Variants in MCTP1 observed in about 807,000 individuals in gnomAD.
MCTP1 encodes multiple C2 and transmembrane domain containing 1.
A neutral mutation model predicts 120.6 loss-of-function variants in MCTP1; 69 were observed. The ratio of observed to expected loss-of-function variants is 0.57; its 90% CI spans 0.47 to 0.70. The LOEUF is 0.70. Ranked by LOEUF, MCTP1 falls within the 30% of genes least tolerant of loss-of-function variation. The probability of loss-of-function intolerance (pLI) is 0.00; values close to 1 mark genes in which losing one functional copy is unlikely to be tolerated. For missense variants in MCTP1, 1,203 were observed against 1,248.8 expected, an observed-to-expected ratio of 0.96 and a Z score of 0.55; for synonymous variants, 529 against 493.1, an observed-to-expected ratio of 1.07 and a Z score of -0.96.
chr5:95,182,258 A>T (rs1020632289), intron 1 of MCTP1, among the ~76,000 whole-genome samples: 2 of 152,176 alleles, frequency 1.3e-5, no homozygotes, highest in Non-Finnish European at 2.9e-5. Flanking sequence ...ATTCTCAAAG[A>T]TACATCATGA....
intron 17 of MCTP1, among the ~76,000 whole-genome samples, chr5:94,807,104 G>GA (rs1181677178): frequency 6.6e-6 from 1 of 152,030 alleles, no homozygotes; most frequent in Non-Finnish European, 1.5e-5. Context: ...ATCTGTTTCA[G>GA]AAAAAACAGA....
intron 3 of MCTP1, among the ~76,000 whole-genome samples, chr5:94,944,479 A>G (rs1399075111): frequency 6.6e-6 from 1 of 152,182 alleles, no homozygotes; most frequent in Non-Finnish European, 1.5e-5. Flanking sequence ...GTGGAATCTC[A>G]TCTAATCATA....
At chr5:94,981,279 C>T (rs953430993) in intron 2 of MCTP1, among the ~76,000 whole-genome samples, 2 of 152,146 alleles carry the variant, frequency 1.3e-5, no homozygotes, top group Non-Finnish European at 2.9e-5. Flanking sequence ...CCAAGGGACA[C>T]ACTCTTTTTA....
Position 94,751,111 on chromosome 5 carries a change from C to A in MCTP1, c.2610+27999G>T, listed in dbSNP as rs529355120. Among the ~76,000 whole-genome samples, 4 of 152,180 alleles carry A rather than the reference C, an allele frequency of 2.6e-5. No homozygotes were observed. In the South Asian group the frequency reaches 8.3e-4, roughly 32 times the overall value. ...GCAAGGTGGAGGTTTTAACTAAATA[C>A]TGGCCGGGCTGAAGTAATCACTCAG... On this transcript the variant is annotated intron_variant, in intron 19 of 22. Coordinates refer to ENST00000515393, the MANE Select transcript of MCTP1 (RefSeq NM_024717.7).
At chr5:95,202,779 G>A (rs1362030891) in intron 1 of MCTP1, among the ~76,000 whole-genome samples, 1 of 151,940 alleles carries the variant, frequency 6.6e-6, no homozygotes, top group Non-Finnish European at 1.5e-5. Flanking sequence ...CCAGGCTGGA[G>A]TGCAGTGGTG....
intron 2 of MCTP1, among the ~76,000 whole-genome samples, chr5:94,991,396 G>A (rs1727282345): frequency 6.6e-6 from 1 of 152,138 alleles, no homozygotes; most frequent in African/African-American, 2.4e-5. Context: ...TCAGAGCAGT[G>A]AAACTGAAAT....
At chr5:95,137,735 G>A (rs1759552535) in intron 1 of MCTP1, among the ~76,000 whole-genome samples, 1 of 151,952 alleles carries the variant, frequency 6.6e-6, no homozygotes, top group Non-Finnish European at 1.5e-5. Context: ...ATACATTATT[G>A]TAAGCTGCTT....
chr5:94,938,720 T>C (rs1431141235), intron 5 of MCTP1, among the ~76,000 whole-genome samples: 1 of 152,066 alleles, frequency 6.6e-6, no homozygotes, highest in Admixed American at 6.6e-5. Flanking sequence ...AAGTAGGTTC[T>C]CGGAGAATAC....
intron 17 of MCTP1, among the ~76,000 whole-genome samples, chr5:94,857,394 T>C (rs1162239032): frequency 2.0e-5 from 3 of 151,750 alleles, no homozygotes; most frequent in Admixed American, 6.6e-5. Context: ...TTCTAGTTCC[T>C]TAAACTTAGG....
intron 1 of MCTP1, among the ~76,000 whole-genome samples, chr5:95,213,148 T>C (rs1268454108): frequency 6.6e-6 from 1 of 152,182 alleles, no homozygotes; most frequent in Non-Finnish European, 1.5e-5. Flanking sequence ...CTTAAGCTGA[T>C]AAGCAACTTC....
intron 6 of MCTP1, among the ~76,000 whole-genome samples, chr5:94,928,863 C>G (rs1813820674): frequency 6.6e-6 from 1 of 152,024 alleles, no homozygotes; most frequent in Admixed American, 6.6e-5. Flanking sequence ...ATAAGTTAGT[C>G]CTGAACAGCA....
chr5:95,250,706 T>C (rs956128733), intron 1 of MCTP1, among the ~76,000 whole-genome samples: 1 of 152,222 alleles, frequency 6.6e-6, no homozygotes, highest in Non-Finnish European at 1.5e-5. Flanking sequence ...GAATAACTTA[T>C]GTGAAATGCC....
intron 17 of MCTP1, chr5:94,826,413 G>C (rs1787074384): frequency 1.5e-6 from 1 of 650,872 alleles, no homozygotes; most frequent in Non-Finnish European, 2.9e-6. Context: ...TGATACCTCT[G>C]ATCCTGATGA....
chr5:94,880,285 G>T (rs1315643533), intron 12 of MCTP1, among the ~76,000 whole-genome samples: 1 of 152,076 alleles, frequency 6.6e-6, no homozygotes, highest in African/African-American at 2.4e-5. Context: ...TGCAAGGCTT[G>T]TTAGATACTT....
intron 17 of MCTP1, among the ~76,000 whole-genome samples, chr5:94,858,032 T>C (rs554197349): frequency 6.6e-5 from 10 of 151,792 alleles, no homozygotes; most frequent in African/African-American, 2.4e-4. Context: ...ACATACACTT[T>C]TTCCTGGCAT....
intron 1 of MCTP1, among the ~76,000 whole-genome samples, chr5:95,137,512 C>A (rs964849664): frequency 6.6e-6 from 1 of 152,212 alleles, no homozygotes; most frequent in Non-Finnish European, 1.5e-5. Context: ...TAGATTCTAG[C>A]AAAGATTTTG....
rs1562094956 is a variant in MCTP1 at position 95,061,412 on chromosome 5, T to G, written c.721-43928A>C. Reference sequence around the variant, plus strand: ...ATTTTCACAAACCCCTTAAGGGTTTTTTTTTTTTTTTTTTTTTTTTTTTTT... The same window carrying G: ...ATTTTCACAAACCCCTTAAGGGTTTGTTTTTTTTTTTTTTTTTTTTTTTTT... On this transcript the variant is annotated intron_variant, in intron 1 of 22. Coordinates refer to ENST00000515393, the MANE Select transcript of MCTP1 (RefSeq NM_024717.7). 8.6e-4 allele frequency among the ~76,000 whole-genome samples: 8 copies of G among 9,252 alleles called. 2 individuals carry two copies. The highest frequency in any genetic ancestry group is 1.8e-3 in the African/African-American group (4 of 2,236). The allele number at this position is 9,252 out of a possible 152,430, so 6.1% of individuals were successfully genotyped here.
At chr5:94,764,765 C>A (rs551112660) in intron 19 of MCTP1, among the ~76,000 whole-genome samples, 1 of 148,184 alleles carries the variant, frequency 6.7e-6, no homozygotes, top group South Asian at 2.2e-4. Context: ...GATAGAGACT[C>A]CAACACAAAA....
chr5:94,909,525 G>A (rs1371896626), intron 9 of MCTP1, 144 bp from the exon 10 acceptor site: 18 of 740,198 alleles, frequency 2.4e-5, no homozygotes. Flanking sequence ...CAGAAATAAT[G>A]GAAATAACTC....
Sources: allele counts gnomAD v4.1 joint callset (sites outside exome capture counted in the v4.1 genomes callset), GRCh38; gene constraint gnomAD v4.1.1; transcripts MANE v1.5; gene names NCBI Gene and HGNC (gene_info 2026-07-23, HGNC 2026-07-21).